NUBPL: variants seen among roughly 807,000 people sequenced by gnomAD.
NUBPL encodes the protein iron-sulfur cluster transfer protein NUBPL.
NUBPL carries 31 observed loss-of-function variants against 45.7 expected under a neutral mutation model. The observed-to-expected ratio is 0.68, with a 90% CI of 0.51 to 0.92. NUBPL has a LOEUF of 0.92. Among genes scored for constraint, NUBPL ranks in the 40% least tolerant of loss-of-function variants. NUBPL has a pLI of 0.00. For synonymous variants in NUBPL, 144 were observed against 140.9 expected (o/e 1.02, Z -0.15); for missense variants, 401 against 398.7 (o/e 1.01, Z -0.05).
intron 4 of NUBPL, among the ~76,000 whole-genome samples, chr14:31,625,646 T>C (rs1294222881): frequency 1.3e-5 from 2 of 151,996 alleles, no homozygotes; most frequent in Non-Finnish European, 2.9e-5. Flanking sequence ...TGGCTCACTT[T>C]TGTATTTTTA....
At chr14:31,637,376 A>T (rs1386894544) in intron 4 of NUBPL, among the ~76,000 whole-genome samples, 1 of 152,160 alleles carries the variant, frequency 6.6e-6, no homozygotes, top group Admixed American at 6.5e-5. Context: ...CAGGTTGTTC[A>T]GTTTCCATGT....
intron 4 of NUBPL, among the ~76,000 whole-genome samples, chr14:31,635,089 T>A (rs1415787663): frequency 6.8e-6 from 1 of 147,772 alleles, no homozygotes; most frequent in Non-Finnish European, 1.5e-5. Context: ...AGCTCTTTAG[T>A]TTAATTAGAT....
intron 6 of NUBPL, among the ~76,000 whole-genome samples, chr14:31,773,044 T>C (rs144374303): frequency 3.7e-4 from 56 of 152,294 alleles, no homozygotes; most frequent in African/African-American, 1.3e-3. Context: ...CTCAAGGATG[T>C]TTATTGTATA....
intron 6 of NUBPL, among the ~76,000 whole-genome samples, chr14:31,762,210 G>A (rs541102441): frequency 2.1e-4 from 32 of 152,234 alleles, no homozygotes; most frequent in Non-Finnish European, 4.1e-4. Flanking sequence ...ATTGTGGATA[G>A]GCCTTGAGGC....
At chr14:31,567,923 C>A (rs2033480767) in intron 3 of NUBPL, among the ~76,000 whole-genome samples, 1 of 152,180 alleles carries the variant, frequency 6.6e-6, no homozygotes, top group Admixed American at 6.5e-5. Context: ...AGTTAAGAAC[C>A]ATGGATCTAG....
intron 6 of NUBPL, among the ~76,000 whole-genome samples, chr14:31,758,816 C>A (rs2038732607): frequency 1.3e-5 from 2 of 152,076 alleles, no homozygotes; most frequent in African/African-American, 4.8e-5. Flanking sequence ...ATAAAATGAT[C>A]TGTTTTACTA....
In NUBPL at chr14:31,804,936, G is replaced by A. The variant is rs1342919348; in HGVS notation, c.607+17063G>A. On this transcript the variant is annotated intron_variant, in intron 7 of 10. Transcript: ENST00000281081. The stretch of plus-strand genomic sequence containing the variant: ...AACAAAAGCAAAAATTGGCAAAAGG[G>A]ATCTAATTAAAATTAAGAGCTTCTG... Among the ~76,000 whole-genome samples, 4 of 152,056 alleles carry A rather than the reference G, an allele frequency of 2.6e-5. No individual in the cohort carries two copies. The South Asian group carries it at 8.3e-4, about 31-fold the overall frequency.
At chr14:31,729,219 C>G (rs994715997) in intron 6 of NUBPL, among the ~76,000 whole-genome samples, 6 of 148,728 alleles carry the variant, frequency 4.0e-5, no homozygotes, top group Non-Finnish European at 7.4e-5. Context: ...GCAGAGGTTG[C>G]AATGAGCCAA....
rs546195477 is a variant in NUBPL at position 31,582,275 on chromosome 14, G to T, written c.292-17014G>T. On this transcript the variant is annotated intron_variant, in intron 3 of 10. Transcript: ENST00000281081. ...TAAATATAAAATTAATAGATAATAG[G>T]ATAAAGGGGGCTTGTTTATGAATGG... is the stretch of plus-strand genomic sequence containing the variant. 1.4e-4 allele frequency among the ~76,000 whole-genome samples: 21 copies of T among 151,830 alleles called. 1 individual carries two copies. The South Asian group carries it at 2.9e-3, about 21-fold the overall frequency.
At chr14:31,807,850 G>C (rs185780684) in intron 7 of NUBPL, among the ~76,000 whole-genome samples, 5 of 152,190 alleles carry the variant, frequency 3.3e-5, no homozygotes, top group Non-Finnish European at 5.9e-5. Context: ...TGGCTAGCCA[G>C]TTTTCCCAGC....
At chr14:31,800,023 A>G (rs1053846474) in intron 7 of NUBPL, among the ~76,000 whole-genome samples, 2 of 152,232 alleles carry the variant, frequency 1.3e-5, no homozygotes, top group African/African-American at 2.4e-5. Flanking sequence ...CAGTGTTCAC[A>G]GTATCATCAC....
intron 4 of NUBPL, among the ~76,000 whole-genome samples, chr14:31,606,099 CT>C (rs56899102): frequency 8.4e-4 from 101 of 120,522 alleles, no homozygotes; most frequent in East Asian, 1.4e-3. Context: ...CTTTTCTTTT[CT>C]TTTTTTTTTT....
At chr14:31,637,767 G>A (rs1016984023) in intron 4 of NUBPL, among the ~76,000 whole-genome samples, 21 of 152,284 alleles carry the variant, frequency 1.4e-4, no homozygotes, top group Admixed American at 1.0e-3. Flanking sequence ...ATGAATCTGG[G>A]TGCTCCTGTA....
intron 6 of NUBPL, among the ~76,000 whole-genome samples, chr14:31,736,215 T>C (rs1446792310): frequency 6.6e-6 from 1 of 152,208 alleles, no homozygotes; most frequent in Non-Finnish European, 1.5e-5. Flanking sequence ...TTTCTTGACA[T>C]TGTTTTTTCC....
intron 7 of NUBPL, among the ~76,000 whole-genome samples, chr14:31,807,082 A>G (rs1238945000): frequency 6.6e-6 from 1 of 152,184 alleles, no homozygotes; most frequent in Admixed American, 6.5e-5. Context: ...CAATAAACAT[A>G]TGTGTGCATG....
intron 6 of NUBPL, among the ~76,000 whole-genome samples, chr14:31,725,133 G>C (rs2037893028): frequency 6.6e-6 from 1 of 152,094 alleles, no homozygotes; most frequent in African/African-American, 2.4e-5. Flanking sequence ...GATTACTTTG[G>C]TGGCTTGTGT....
rs1179127955 is a variant in NUBPL at position 31,735,667 on chromosome 14, CATGGTGAA to C, written c.514-52111_514-52104del. 1.2e-3 allele frequency among the ~76,000 whole-genome samples: 179 copies of C among 151,984 alleles called. No individual in the cohort carries two copies. In the East Asian group the frequency reaches 0.032, roughly 27 times the overall value. ...AGGAGTTCGAGACCAGCCTGGCCAA[CATGGTGAA>C]ACCCTGTCTCTACTAAAAATATAAA... is the stretch of plus-strand genomic sequence containing the variant. On this transcript the variant is annotated intron_variant, in intron 6 of 10. Coordinates refer to ENST00000281081, the MANE Select transcript of NUBPL (RefSeq NM_025152.3).
At chr14:31,829,668 C>T (rs563779956) in intron 8 of NUBPL, among the ~76,000 whole-genome samples, 1 of 152,198 alleles carries the variant, frequency 6.6e-6, no homozygotes, top group East Asian at 1.9e-4. Context: ...TCTGTTTTTC[C>T]CCCATTTGAC....
chr14:31,561,884 A>G (rs1384534855), intron 1 of NUBPL, 184 bp from the exon 2 acceptor site: 7 of 650,498 alleles, frequency 1.1e-5, no homozygotes, highest in African/African-American at 7.3e-5. Flanking sequence ...AAAAATTTCA[A>G]TTTAAGCAAT....
Sources: gnomAD v4.1 joint callset for allele counts (sites outside exome capture counted in the v4.1 genomes callset) on GRCh38, gnomAD v4.1.1 for gene constraint, MANE v1.5 for transcripts, NCBI Gene and HGNC (gene_info 2026-07-23, HGNC 2026-07-21) for gene names.